Variants in DENND2B observed in about 807,000 individuals in gnomAD.
DENND2B encodes DENN domain containing 2B.
DENND2B carries 32 observed loss-of-function variants against 116.0 expected under a neutral mutation model. The observed-to-expected ratio is 0.28, with a 90% CI of 0.21 to 0.37. DENND2B has a LOEUF of 0.37. Among genes scored for constraint, DENND2B ranks in the 10% least tolerant of loss-of-function variants. The pLI is 1.00. For synonymous variants in DENND2B, 588 were observed against 583.9 expected, an observed-to-expected ratio of 1.01 and a Z score of -0.10; for missense variants, 1,276 against 1,477.7, an observed-to-expected ratio of 0.86 and a Z score of 2.24.
intron 2 of DENND2B, among the ~76,000 whole-genome samples, chr11:8,879,605 CAA>C (rs1310989782): frequency 2.6e-5 from 4 of 151,956 alleles, no homozygotes; most frequent in Non-Finnish European, 5.9e-5. Flanking sequence ...AAAAATCACC[CAA>C]AGAGAACTGT....
Position 8,863,693 on chromosome 11 carries a change from T to A in DENND2B, c.-249-6257A>T, listed in dbSNP as rs560383538. Among the ~76,000 whole-genome samples, 66 of 152,292 alleles carry A rather than the reference T, an allele frequency of 4.3e-4. 1 individual carries two copies. The highest frequency in any genetic ancestry group is 1.4e-3 in the African/African-American group (60 of 41,554). Reference sequence around the variant, plus strand: ...GACAAGAAGGATTCAATTAATATACTTTGACCTTAAGTGCCATTTTTCCAT... The same window carrying A: ...GACAAGAAGGATTCAATTAATATACATTGACCTTAAGTGCCATTTTTCCAT... On this transcript the variant is annotated intron_variant, in intron 2 of 6. Coordinates refer to the DENND2B transcript ENST00000524757.
chr11:8,766,093 T>TA (rs376940099), intron 1 of DENND2B, among the ~76,000 whole-genome samples: 2,543 of 148,224 alleles, frequency 0.017, 25 homozygotes, highest in African/African-American at 0.03. Context: ...ATGGACACTG[T>TA]AAAAAAAAAA....
At chr11:8,840,691 C>G (rs1016027243) in intron 3 of DENND2B, among the ~76,000 whole-genome samples, 9 of 152,164 alleles carry the variant, frequency 5.9e-5, no homozygotes, top group African/African-American at 2.2e-4. Context: ...CCTACCCGTT[C>G]CATATTGGGC....
chr11:8,844,379 G>A (rs2062731232), intron 3 of DENND2B, among the ~76,000 whole-genome samples: 1 of 152,158 alleles, frequency 6.6e-6, no homozygotes, highest in Admixed American at 6.5e-5. Flanking sequence ...CAGCCTGGGT[G>A]ACAGAGCAGA....
intron 19 of DENND2B, chr11:8,694,725 CT>C (rs200700183): frequency 1.9e-4 from 80 of 411,886 alleles, no homozygotes; most frequent in African/African-American, 4.6e-4. Flanking sequence ...CATATATAGA[CT>C]TTTTTTTTCT....
Position 8,730,702 on chromosome 11 carries a change from C to T in DENND2B, c.588G>A (p.Ala196=), listed in dbSNP as rs374301672. 23 of 1,611,770 alleles carry T rather than the reference C, an allele frequency of 1.4e-5. No homozygotes were observed. In the Admixed American group the frequency reaches 2.0e-4, roughly 14 times the overall value. ...EKREGSGSEW[A]ASEGCPSLGC... ...CCAGGCTGGGGCAGCCCTCACTGGC[C>T]GCCCACTCGCTCCCAGAGCCCTCCC... Residue 196 remains alanine (A), a synonymous_variant, in exon 3 of 20, where the codon GCG becomes GCA. Transcript: ENST00000313726. The surrounding 1 kb of genome is among the most constrained non-coding windows in gnomAD (Gnocchi z 4.1).
chr11:8,730,465 C>T lies in DENND2B; in HGVS notation c.825G>A (p.Arg275=), dbSNP rs538991164. 51 of 1,611,552 alleles carry T rather than the reference C, an allele frequency of 3.2e-5. No homozygotes were observed. The South Asian group carries it at 5.5e-4, about 17-fold the overall frequency. ...PSAFLRGHGS[R]KESSAVLSRI... is the part of the protein sequence containing the mutation. The stretch of plus-strand genomic sequence containing the variant: ...GGCTCAGCACTGCTGAGCTCTCCTT[C>T]CTGCTGCCATGCCCCCTGAGGAAGG... The change falls in exon 3 of 20, where the codon AGG becomes AGA. Residue 275 remains arginine (R), a synonymous_variant. Coordinates refer to ENST00000313726, the MANE Select transcript of DENND2B (RefSeq NM_213618.2). The surrounding 1 kb of genome is among the most constrained non-coding windows in gnomAD (Gnocchi z 4.1).
At chr11:8,861,225 GAAAT>G (rs1263240067) in intron 2 of DENND2B, among the ~76,000 whole-genome samples, 1 of 152,070 alleles carries the variant, frequency 6.6e-6, no homozygotes, top group East Asian at 1.9e-4. Context: ...CACAGCAAAA[GAAAT>G]AACCATTAAA....
chr11:8,817,609 G>C (rs1258096353), intron 4 of DENND2B, among the ~76,000 whole-genome samples: 1 of 152,150 alleles, frequency 6.6e-6, no homozygotes, highest in Non-Finnish European at 1.5e-5. Context: ...CAGCCCTGCA[G>C]TGAAGCAGCT....
chr11:8,756,712 A>T (rs1278996282), intron 1 of DENND2B, among the ~76,000 whole-genome samples: 1 of 152,158 alleles, frequency 6.6e-6, no homozygotes, highest in East Asian at 1.9e-4. Flanking sequence ...CCTGGGCTAC[A>T]CCATTTCTCC....
chr11:8,726,880 T>C (rs1289361671), intron 3 of DENND2B, among the ~76,000 whole-genome samples: 1 of 152,184 alleles, frequency 6.6e-6, no homozygotes, highest in East Asian at 1.9e-4. Flanking sequence ...TTAAAACAAA[T>C]AAGACCACTG....
chr11:8,900,486 C>T (rs531484941), intron 1 of DENND2B, among the ~76,000 whole-genome samples: 28 of 150,394 alleles, frequency 1.9e-4, no homozygotes, highest in African/African-American at 6.8e-4. Flanking sequence ...GTGGTCCCAG[C>T]TACTCAGGAG....
chr11:8,793,587 T>C (rs1002559592), intron 1 of DENND2B, among the ~76,000 whole-genome samples: 3 of 152,242 alleles, frequency 2.0e-5, no homozygotes, highest in Non-Finnish European at 4.4e-5. Flanking sequence ...TCTTTGCACA[T>C]TGTTTGTACA....
chr11:8,827,297 C>T (rs1162213213), intron 4 of DENND2B, among the ~76,000 whole-genome samples: 1 of 152,198 alleles, frequency 6.6e-6, no homozygotes. Context: ...CTGTCCCCCG[C>T]ACAGCTAGTG....
intron 3 of DENND2B, among the ~76,000 whole-genome samples, chr11:8,841,578 C>T (rs2653607): frequency 0.38 from 58,479 of 152,058 alleles, 11,781 homozygotes; most frequent in Non-Finnish European, 0.44. Context: ...TGAGCCTGGG[C>T]GGTCGAGGCT....
At chr11:8,722,656 C>T (rs1414174904) in intron 4 of DENND2B, among the ~76,000 whole-genome samples, 1 of 152,200 alleles carries the variant, frequency 6.6e-6, no homozygotes. Flanking sequence ...CTGTATTTCC[C>T]TCTGGCCTCC....
intron 1 of DENND2B, chr11:8,776,570 T>C (rs1301535646): frequency 3.8e-6 from 1 of 266,222 alleles, no homozygotes; most frequent in East Asian, 9.2e-5. Flanking sequence ...GCTGTGCCAC[T>C]TGTAGGGGTA....
chr11:8,881,071 T>C (rs1362097891), exon 2 of DENND2B: 1 of 152,180 alleles, frequency 6.6e-6, no homozygotes. Flanking sequence ...TTCCCCTTCA[T>C]TTTTGTGAGT....
At chr11:8,846,766 TTC>T (rs1301062643) in intron 3 of DENND2B, among the ~76,000 whole-genome samples, 1 of 152,198 alleles carries the variant, frequency 6.6e-6, no homozygotes, top group Non-Finnish European at 1.5e-5. Context: ...ACCCTCATCA[TTC>T]TCTGTTTATA....
Sources: allele counts gnomAD v4.1 joint callset (sites outside exome capture counted in the v4.1 genomes callset), GRCh38; gene constraint gnomAD v4.1.1; non-coding constraint Gnocchi (gnomAD v3.1); transcripts MANE v1.5; gene names NCBI Gene and HGNC (gene_info 2026-07-23, HGNC 2026-07-21).